ROBO2: variants seen among roughly 807,000 people sequenced by gnomAD.
ROBO2 encodes the protein roundabout guidance receptor 2.
A neutral mutation model predicts 160.8 loss-of-function variants in ROBO2; 53 were observed. The ratio of observed to expected loss-of-function variants is 0.33; its 90% CI spans 0.26 to 0.41. The LOEUF is 0.41. ROBO2 is among the 10% of genes least tolerant of loss of function. The pLI is 1.00. For synonymous variants in ROBO2, 664 were observed against 611.7 expected (o/e 1.09, Z -1.26); for missense variants, 1,577 against 1,722.4 (o/e 0.92, Z 1.49).
intron 2 of ROBO2, among the ~76,000 whole-genome samples, chr3:76,591,995 A>T (rs539524514): frequency 4.9e-4 from 74 of 152,166 alleles, no homozygotes; most frequent in African/African-American, 1.7e-3. Context: ...ATACATGGAG[A>T]ATAGCAGTAA....
intron 2 of ROBO2, among the ~76,000 whole-genome samples, chr3:76,795,035 T>C (rs1294267596): frequency 1.3e-5 from 2 of 152,092 alleles, no homozygotes; most frequent in Non-Finnish European, 2.9e-5. Flanking sequence ...TCAGTGTGTA[T>C]GAAAGTTATA....
intron 2 of ROBO2, among the ~76,000 whole-genome samples, chr3:77,244,606 G>A (rs1002687459): frequency 9.2e-5 from 14 of 152,200 alleles, no homozygotes; most frequent in South Asian, 4.1e-4. Context: ...AAGGCCAGGC[G>A]CGGTGGCTCA....
At chr3:77,288,001 A>C (rs1338198806) in intron 2 of ROBO2, among the ~76,000 whole-genome samples, 1 of 152,190 alleles carries the variant, frequency 6.6e-6, no homozygotes, top group African/African-American at 2.4e-5. Context: ...GATTTGATTA[A>C]AAGTAGATAT....
At chr3:76,433,538 C>A (rs545576443) in intron 2 of ROBO2, among the ~76,000 whole-genome samples, 1 of 152,156 alleles carries the variant, frequency 6.6e-6, no homozygotes, top group South Asian at 2.1e-4. Context: ...ATTTTTTCTG[C>A]GTAAACCTAT....
At chr3:77,625,657 T>A (rs566095288) in intron 23 of ROBO2, among the ~76,000 whole-genome samples, 53 of 152,304 alleles carry the variant, frequency 3.5e-4, no homozygotes, top group Non-Finnish European at 6.9e-4. Context: ...ATTACAGGCG[T>A]GAGCCACTGC....
intron 2 of ROBO2, among the ~76,000 whole-genome samples, chr3:75,979,368 T>C (rs2065217584): frequency 6.6e-6 from 1 of 151,530 alleles, no homozygotes; most frequent in Non-Finnish European, 1.5e-5. Context: ...AATTATCTTA[T>C]CCAAGACAGG....
At chr3:76,134,411 C>A (rs1305350374) in intron 2 of ROBO2, among the ~76,000 whole-genome samples, 2 of 151,978 alleles carry the variant, frequency 1.3e-5, no homozygotes, top group Non-Finnish European at 2.9e-5. Context: ...TGTTTCTGAC[C>A]AACACCCCCG....
chr3:76,524,888 A>C (rs191023666), intron 2 of ROBO2, among the ~76,000 whole-genome samples: 1 of 148,836 alleles, frequency 6.7e-6, no homozygotes, highest in Non-Finnish European at 1.5e-5. Context: ...AGATACATCA[A>C]ATAAATGATT....
At chr3:77,193,629 GCCATGA>G (rs900403558) in intron 2 of ROBO2, among the ~76,000 whole-genome samples, 1 of 151,866 alleles carries the variant, frequency 6.6e-6, no homozygotes, top group African/African-American at 2.4e-5. Context: ...TGCTAATTGG[GCCATGA>G]CCTTGGAGTA....
intron 23 of ROBO2, among the ~76,000 whole-genome samples, chr3:77,628,581 A>T (rs2095086885): frequency 6.6e-6 from 1 of 152,160 alleles, no homozygotes; most frequent in African/African-American, 2.4e-5. Flanking sequence ...ATTTTACAGA[A>T]GGAATTCTAA....
At chr3:77,139,980 C>T (rs751315512) in intron 2 of ROBO2, among the ~76,000 whole-genome samples, 12 of 152,144 alleles carry the variant, frequency 7.9e-5, no homozygotes, top group Non-Finnish European at 1.3e-4. Context: ...AAGTCAAAAC[C>T]CTACTGCAAA....
At chr3:77,164,641 C>T (rs980411211) in intron 2 of ROBO2, among the ~76,000 whole-genome samples, 1 of 104,608 alleles carries the variant, frequency 9.6e-6, no homozygotes, top group Non-Finnish European at 2.0e-5. Flanking sequence ...CCCGGCCAGC[C>T]GCCCCGTCCG....
At chr3:76,732,296 C>T (rs2093648971) in intron 2 of ROBO2, among the ~76,000 whole-genome samples, 1 of 152,052 alleles carries the variant, frequency 6.6e-6, no homozygotes, top group African/African-American at 2.4e-5. Flanking sequence ...AAGTTGAAGC[C>T]AGAAAGATAA....
At position 76,322,208 on chromosome 3, in the gene ROBO2, T is replaced by TAC. The variant is rs1553705643; in HGVS notation, c.109+384614_109+384615dup. The stretch of plus-strand genomic sequence containing the variant: ...TATATATATATATATATATATAATA[T>TAC]ACACACACATATATACACACAGACA... On this transcript the variant is annotated intron_variant, in intron 2 of 26. Transcript: ENST00000487694. 4.2e-3 allele frequency among the ~76,000 whole-genome samples: 535 copies of TAC among 128,202 alleles called. 3 individuals carry two copies. Among genetic ancestry groups the TAC allele is most frequent in the African/African-American group, 9.0e-3 (286 of 31,886 alleles). The allele number at this position is 128,202 out of a possible 152,430, so 84.1% of individuals were successfully genotyped here. A position where few individuals can be genotyped will look rare whatever the true frequency, so the allele number is the denominator to read the frequency against.
intron 2 of ROBO2, among the ~76,000 whole-genome samples, chr3:77,115,091 A>C (rs1002331663): frequency 1.3e-5 from 2 of 152,112 alleles, no homozygotes; most frequent in African/African-American, 4.8e-5. Flanking sequence ...ACTCCAGAAA[A>C]GTTTTAAAAA....
chr3:76,239,891 A>G (rs1413424470), intron 2 of ROBO2, among the ~76,000 whole-genome samples: 3 of 152,138 alleles, frequency 2.0e-5, no homozygotes, highest in Non-Finnish European at 2.9e-5. Flanking sequence ...ATCACAGTCT[A>G]GGTGCAGATT....
intron 2 of ROBO2, among the ~76,000 whole-genome samples, chr3:76,185,205 T>TATATATATATATATATATA (rs1701692647): frequency 1.0e-5 from 1 of 95,664 alleles, no homozygotes; most frequent in Non-Finnish European, 2.4e-5. Context: ...GATATATATA[T>TATATATATATATATATATA]ATATATATAT....
At chr3:77,375,277 C>A (rs922685078) in intron 2 of ROBO2, among the ~76,000 whole-genome samples, 2 of 152,220 alleles carry the variant, frequency 1.3e-5, no homozygotes, top group African/African-American at 4.8e-5. Flanking sequence ...TTTAGAAAGT[C>A]TATTTAACCT....
chr3:77,315,583 A>G (rs1158035940), intron 2 of ROBO2, among the ~76,000 whole-genome samples: 1 of 152,218 alleles, frequency 6.6e-6, no homozygotes, highest in African/African-American at 2.4e-5. Context: ...CTGGGCTGTT[A>G]TCAGTTAGGA....
Sources: allele counts gnomAD v4.1 joint callset (sites outside exome capture counted in the v4.1 genomes callset), GRCh38; gene constraint gnomAD v4.1.1; transcripts MANE v1.5; gene names NCBI Gene and HGNC (gene_info 2026-07-23, HGNC 2026-07-21).